Variants in CTCFL observed in about 807,000 individuals in gnomAD.
CTCFL encodes CCCTC-binding factor like, also known as transcriptional repressor CTCFL.
In CTCFL, 36 loss-of-function variants were observed where a neutral mutation model predicts 67.4. The ratio of observed to expected loss-of-function variants is 0.53; its 90% confidence interval spans 0.41 to 0.71. The LOEUF (loss-of-function observed/expected upper bound fraction) is 0.71, where lower values mean the gene tolerates loss of function less well. Ranked by LOEUF, CTCFL falls within the 30% of genes least tolerant of loss-of-function variation. The pLI, the probability that CTCFL is intolerant of heterozygous loss-of-function variation, is 0.00. For synonymous variants in CTCFL, 324 were observed against 302.3 expected (o/e 1.07, Z -0.75); for missense variants, 786 against 835.2 (o/e 0.94, Z 0.73).
chr20:57,511,415 A>G (rs1412971593), intron 8 of CTCFL, among the ~76,000 whole-genome samples: 2 of 152,110 alleles, frequency 1.3e-5, no homozygotes, highest in African/African-American at 2.4e-5. Context: ...CTGCGACATT[A>G]TAACCTCTTG....
At chr20:57,513,325 T>C in intron 7 of CTCFL, 1 of 986,260 alleles carries the variant, frequency 1.0e-6, no homozygotes. Flanking sequence ...TCTGGCTGGG[T>C]TTGCTCATCT....
chr20:57,496,027 T>C (rs1259814409), downstream of CTCFL: 1 of 389,900 alleles, frequency 2.6e-6, no homozygotes, highest in African/African-American at 2.1e-5. Flanking sequence ...TGTAGTAAAA[T>C]ACATGATATA....
intron 8 of CTCFL, 75 bp downstream of exon 8, chr20:57,512,517 G>A: frequency 7.0e-7 from 1 of 1,433,898 alleles, no homozygotes; most frequent in Non-Finnish European, 9.7e-7. Context: ...GTATCTTCAA[G>A]GTGGTAGAGA....
At chr20:57,516,461 T>G (rs2068932385) in intron 5 of CTCFL, among the ~76,000 whole-genome samples, 1 of 152,122 alleles carries the variant, frequency 6.6e-6, no homozygotes, top group South Asian at 2.1e-4. Flanking sequence ...TGTTTGAGCC[T>G]GGGAGGCTGA....
At chr20:57,508,560 G>C (rs1169247602) in intron 9 of CTCFL, 46 bp downstream of exon 9, 2 of 1,579,206 alleles carry the variant, frequency 1.3e-6, no homozygotes, top group Non-Finnish European at 1.7e-6. Context: ...TCCTGAGATA[G>C]AGGGATCTTT....
At chr20:57,519,060 T>C in intron 4 of CTCFL, 147 bp downstream of exon 4, 1 of 1,166,204 alleles carries the variant, frequency 8.6e-7, no homozygotes, top group East Asian at 2.5e-5. Flanking sequence ...TTTGTAACAG[T>C]ATTTTTAATG....
chr20:57,525,539 G>C (rs2069818957), upstream of CTCFL: 1 of 135,224 alleles, frequency 7.4e-6, no homozygotes, highest in African/African-American at 2.9e-5. Context: ...ACCCGGGGGG[G>C]AAGTAAGGAG....
rs1196718573 is a variant in CTCFL, at chr20:57,498,465, TGAG to T, written c.*82_*84del. 9.1e-6 allele frequency: 14 copies of T among 1,530,330 alleles called. No individual in the cohort carries two copies. Among genetic ancestry groups the T allele is most frequent in the Non-Finnish European group, 1.2e-5 (14 of 1,135,502 alleles). 94.8% of individuals were successfully genotyped at this position (1,530,330 alleles called of 1,614,324 possible). On this transcript the variant is annotated 3_prime_UTR_variant, in exon 11 of 11. Transcript: ENST00000243914. ...ACTCTCTCTCACTTATCCATCGTGT[TGAG>T]GAGCATTTCACACCTTAAATGCTAA...
At chr20:57,506,008 G>T (rs2068189524) in intron 9 of CTCFL, among the ~76,000 whole-genome samples, 1 of 152,226 alleles carries the variant, frequency 6.6e-6, no homozygotes, top group South Asian at 2.1e-4. Context: ...ACATAATGGG[G>T]GTGATGGAAC....
chr20:57,508,751 C>T lies in CTCFL; in HGVS notation c.1529G>A (p.Gly510Glu). The T allele has an allele frequency of 6.2e-7, 1 of 1,614,168 alleles. No homozygotes were observed. Among genetic ancestry groups the T allele is most frequent in the Non-Finnish European group, 8.5e-7 (1 of 1,180,028 alleles). Reference sequence around the variant, plus strand: ...AGAAAGGCAGGTGAATGGTTTCTCTCCAGTGTGGGTACGAATGTGAGCGGT... The same window carrying T: ...AGAAAGGCAGGTGAATGGTTTCTCTTCAGTGTGGGTACGAATGTGAGCGGT... ...HMTAHIRTHTGEKPFTCLSCN... is the reference protein window; with the variant it reads ...HMTAHIRTHTEEKPFTCLSCN... Residue 510 changes from glycine to glutamate, a missense_variant, in exon 9 of 11, where the codon GGA (glycine) becomes GAA (glutamate). Gly to Glu is a moderately conservative substitution (Grantham distance 98, BLOSUM62 -2). Coordinates refer to ENST00000243914, the MANE Select transcript of CTCFL (RefSeq NM_001386993.1).
At chr20:57,512,009 G>C (rs898093876) in intron 8 of CTCFL, among the ~76,000 whole-genome samples, 1 of 152,174 alleles carries the variant, frequency 6.6e-6, no homozygotes, top group Admixed American at 6.5e-5. Flanking sequence ...GTGGCTACTT[G>C]AGCTGGAAAT....
chr20:57,523,886 C>T lies in CTCFL; in HGVS notation c.320G>A (p.Gly107Glu), dbSNP rs1304749463. The T allele has an allele frequency of 6.2e-7, 1 of 1,613,212 alleles. No individual in the cohort carries two copies. Among genetic ancestry groups the T allele is most frequent in the Non-Finnish European group, 8.5e-7 (1 of 1,180,040 alleles). The change falls in exon 2 of 11, where the codon GGG becomes GAG. Residue 107 changes from glycine to glutamate, a missense_variant. By Grantham distance (98) the Gly-to-Glu change is moderately conservative. Transcript: ENST00000243914. Reference sequence around the variant, plus strand: ...AGGCTGTTGCACCACCACCTGCACCCCTTCTTGCTGCTGTATGCTCAGCAA... The same window carrying T: ...AGGCTGTTGCACCACCACCTGCACCTCTTCTTGCTGCTGTATGCTCAGCAA... ...MSLLSIQQQE[G>E]VQVVVQQPGP...
At chr20:57,503,634 G>A (rs6128059) in intron 9 of CTCFL, 33 bp from the exon 10 acceptor site, 455,619 of 1,610,770 alleles carry the variant, frequency 0.28, 67,472 homozygotes, top group South Asian at 0.38. Flanking sequence ...CACACAAGGC[G>A]AGTGAGATGG....
Position 57,523,513 on chromosome 20 carries a change from C to T in CTCFL, c.543+150G>A, listed in dbSNP as rs2069558122. 28 of 1,157,312 alleles carry T rather than the reference C, an allele frequency of 2.4e-5. No homozygotes were observed. The South Asian group carries it at 4.5e-4, about 19-fold the overall frequency. 71.7% of individuals were successfully genotyped at this position (1,157,312 alleles called of 1,614,324 possible). ...TTTAAAACTCTTTTTTAAAAAAGAA[C>T]CTAAGAACTCTCAAGATTTTCCTGG... On this transcript the variant is annotated intron_variant, in intron 2 of 10. Transcript: ENST00000243914.
Position 57,524,082 on chromosome 20 carries a change from G to T in CTCFL, c.124C>A (p.Arg42=), listed in dbSNP as rs754919852. The change falls in exon 2 of 11, where the codon CGG becomes AGG. Residue 42 remains arginine (R), a synonymous_variant. Transcript: ENST00000243914. ...KDGVCREKDH[R]SPSELEAERT... ...TCGGCCTCCAACTCACTAGGGCTCC[G>T]ATGGTCTTTCTCTCTGCACACTCCG... is the stretch of plus-strand genomic sequence containing the variant. 2.5e-6 allele frequency: 4 copies of T among 1,613,566 alleles called. No homozygotes were observed. Among genetic ancestry groups the T allele is most frequent in the South Asian group, 1.1e-5 (1 of 91,080 alleles).
intron 9 of CTCFL, among the ~76,000 whole-genome samples, chr20:57,504,268 A>ACG (rs2068075730): frequency 5.5e-5 from 8 of 144,470 alleles, no homozygotes; most frequent in African/African-American, 7.7e-5. Flanking sequence ...GAGCCACTGC[A>ACG]CCCGCCCCCC....
At chr20:57,504,362 C>G (rs936567022) in intron 9 of CTCFL, among the ~76,000 whole-genome samples, 38 of 151,206 alleles carry the variant, frequency 2.5e-4, no homozygotes, top group Non-Finnish European at 4.4e-4. Flanking sequence ...TCACTGCAAC[C>G]TCTACTTCCC....
Position 57,498,246 on chromosome 20 carries a change from C to T in CTCFL, c.*304G>A, listed in dbSNP as rs2067756185. The T allele has an allele frequency of 9.6e-7, 1 of 1,036,874 alleles. No homozygotes were observed. Among genetic ancestry groups the T allele is most frequent in the Non-Finnish European group, 1.2e-6 (1 of 862,610 alleles). 64.2% of individuals were successfully genotyped at this position (1,036,874 alleles called of 1,614,324 possible). A position where few individuals can be genotyped will look rare whatever the true frequency, so the allele number is the denominator to read the frequency against. Reference sequence around the variant, plus strand: ...GAATCCATAGGTTTGAGGTGTTACCCTCTCATTCAAGGTTTAAAACTTTTA... The same window carrying T: ...GAATCCATAGGTTTGAGGTGTTACCTTCTCATTCAAGGTTTAAAACTTTTA... On this transcript the variant is annotated 3_prime_UTR_variant, in exon 11 of 11. Transcript: ENST00000243914.
At chr20:57,517,630 C>G (rs953698852) in intron 5 of CTCFL, among the ~76,000 whole-genome samples, 1 of 152,118 alleles carries the variant, frequency 6.6e-6, no homozygotes, top group Non-Finnish European at 1.5e-5. Context: ...AGCTTTGATA[C>G]GTTCCTGCTG....
Sources: gnomAD v4.1 joint callset for allele counts (sites outside exome capture counted in the v4.1 genomes callset) on GRCh38, gnomAD v4.1.1 for gene constraint, MANE v1.5 for transcripts, NCBI Gene and HGNC (gene_info 2026-07-23, HGNC 2026-07-21) for gene names.